The following IRF8 variants were observed in gnomAD, a reference collection of about 807,000 sequenced individuals.
The protein encoded by IRF8 is interferon regulatory factor 8, also known as interferon consensus sequence binding protein 1.
IRF8 carries 14 observed loss-of-function variants against 48.7 expected under a neutral mutation model. The observed-to-expected ratio is 0.29, with a 90% CI of 0.19 to 0.45. IRF8 has a LOEUF of 0.45. Among genes scored for constraint, IRF8 ranks in the 20% least tolerant of loss-of-function variants. The probability of loss-of-function intolerance (pLI) is 1.00; values close to 1 mark genes in which losing one functional copy is unlikely to be tolerated. For synonymous variants in IRF8, 278 were observed against 227.3 expected, an observed-to-expected ratio of 1.22 and a Z score of -2.01; for missense variants, 493 against 580.7, an observed-to-expected ratio of 0.85 and a Z score of 1.55.
chr16:85,920,446 C>T (rs892153092), intron 8 of IRF8, among the ~76,000 whole-genome samples: 3 of 152,116 alleles, frequency 2.0e-5, no homozygotes, highest in African/African-American at 7.2e-5. Flanking sequence ...TGGGGTTTCA[C>T]CATGTTGGCC....
At chr16:85,911,064 C>G (rs185545029) in intron 3 of IRF8, among the ~76,000 whole-genome samples, 1 of 151,952 alleles carries the variant, frequency 6.6e-6, no homozygotes, top group African/African-American at 2.4e-5. Flanking sequence ...GAGGGTGCTG[C>G]GGTGTGTGTG....
chr16:85,920,695 C>T (rs1238839828), intron 8 of IRF8, among the ~76,000 whole-genome samples: 1 of 152,204 alleles, frequency 6.6e-6, no homozygotes, highest in African/African-American at 2.4e-5. Context: ...TTCTTGCCAT[C>T]TCCGAGCCAT....
intron 2 of IRF8, 160 bp downstream of exon 2, chr16:85,903,349 G>A: frequency 1.5e-6 from 1 of 676,334 alleles, no homozygotes; most frequent in Admixed American, 2.5e-5. Flanking sequence ...TCTCAGACAT[G>A]TACATGAGCT....
At chr16:85,912,387 A>T (rs1403502178) in intron 4 of IRF8, among the ~76,000 whole-genome samples, 1 of 152,252 alleles carries the variant, frequency 6.6e-6, no homozygotes, top group African/African-American at 2.4e-5. Context: ...AGTACTGCAT[A>T]AATTCTTCTT....
chr16:85,919,299 C>T (rs990086653), intron 7 of IRF8, among the ~76,000 whole-genome samples: 2 of 152,172 alleles, frequency 1.3e-5, no homozygotes, highest in African/African-American at 4.8e-5. Flanking sequence ...GCTTTCGTTA[C>T]GCTGTAGGGA....
In IRF8 at chr16:85,921,043, GAC is replaced by G; in HGVS notation, c.1105-61_1105-60del. 6 of 1,528,164 alleles carry G rather than the reference GAC, an allele frequency of 3.9e-6. No individual in the cohort carries two copies. The South Asian group carries it at 7.1e-5, about 18-fold the overall frequency. 94.7% of individuals were successfully genotyped at this position (1,528,164 alleles called of 1,614,324 possible). ...ATCAGAGGACCTGGCTAGGGTCAAAGACAGTGCCCACCCCCTTTGGAGCCTCC... is the reference window on the plus strand; with the variant it reads ...ATCAGAGGACCTGGCTAGGGTCAAAGAGTGCCCACCCCCTTTGGAGCCTCC... On this transcript the variant is annotated intron_variant, in intron 8 of 8. Transcript: ENST00000268638.
rs1905070635 is a variant in IRF8, at chr16:85,908,866, A to G, written c.175-124A>G. On this transcript the variant is annotated intron_variant, in intron 2 of 8. Transcript: ENST00000268638. Reference sequence around the variant, plus strand: ...GAGTCTCTTTGGGTCCTGAAATTGAATGAGAGTTGATGGCCAACAAAGATT... The same window carrying G: ...GAGTCTCTTTGGGTCCTGAAATTGAGTGAGAGTTGATGGCCAACAAAGATT... 6.9e-6 allele frequency: 6 copies of G among 871,480 alleles called. No individual in the cohort carries two copies. The East Asian group carries it at 7.2e-5, about 11-fold the overall frequency. 54.0% of individuals were successfully genotyped at this position (871,480 alleles called of 1,614,324 possible). A position where few individuals can be genotyped will look rare whatever the true frequency, so the allele number is the denominator to read the frequency against.
rs1203992001 is a variant in IRF8, at chr16:85,919,181, C to T, written c.988+378C>T. Among the ~76,000 whole-genome samples the T allele has an allele frequency of 2.0e-5, 3 of 152,300 alleles. No individual in the cohort carries two copies. The East Asian group carries it at 5.8e-4, about 29-fold the overall frequency. ...GCTCCAGCCACAAGATCCGAACCTG[C>T]ATCTTAGCAAGGTCCCTGGGGATCT... On this transcript the variant is annotated intron_variant, in intron 7 of 8. Transcript: ENST00000268638.
chr16:85,912,212 C>T (rs774887381), intron 4 of IRF8, among the ~76,000 whole-genome samples: 5 of 152,216 alleles, frequency 3.3e-5, no homozygotes, highest in African/African-American at 7.2e-5. Context: ...AGAGCATAAT[C>T]GGGGCCTCCT....
rs1905084819 is a variant in IRF8 at position 85,909,422 on chromosome 16, C to T, written c.358+249C>T. On this transcript the variant is annotated intron_variant, in intron 3 of 8. Coordinates refer to ENST00000268638, the MANE Select transcript of IRF8 (RefSeq NM_002163.4). ...GCCTGACCACAGACATTTGTAGGGC[C>T]TCCCTGGACAGGAACAAGCATCCTC... The T allele has an allele frequency of 7.6e-6, 4 of 524,296 alleles. No individual in the cohort carries two copies. The East Asian group carries it at 1.4e-4, about 18-fold the overall frequency. The allele number at this position is 524,296 out of a possible 1,614,324, so 32.5% of individuals were successfully genotyped here.
Position 85,920,189 on chromosome 16 carries a change from A to G in IRF8, c.1069A>G (p.Met357Val). Reference protein sequence around the residue: ...VLCFGEEFPDMAPLRSKLILV... With the variant: ...VLCFGEEFPDVAPLRSKLILV... ...GTGCTTTGGGGAAGAGTTTCCGGAT[A>G]TGGCCCCCTTGCGCTCCAAACTCAT... Residue 357 changes from methionine (M) to valine (V), a missense_variant, in exon 8 of 9, where the codon ATG (methionine) becomes GTG (valine). By Grantham distance (21) the Met-to-Val change is conservative. Transcript: ENST00000268638. The G allele has an allele frequency of 2.6e-6, 4 of 1,558,310 alleles. No homozygotes were observed. The highest frequency in any genetic ancestry group is 3.5e-6 in the Non-Finnish European group (4 of 1,146,106).
intron 2 of IRF8, among the ~76,000 whole-genome samples, chr16:85,904,810 A>ATTTTTTTTTTTTTTTTTTTTTTTTTTTT (rs1418168585): frequency 1.5e-5 from 1 of 64,636 alleles, no homozygotes; most frequent in Admixed American, 1.5e-4. Flanking sequence ...TTGATTGCAG[A>ATTTTTTTTTTTTTTTTTTTTTTTTTTTT]TCTTTTTTTT....
In IRF8 at chr16:85,921,370, C is replaced by T; in HGVS notation, c.*88C>T. ...CGCATCATGATTAAAGAATGTGGAT[C>T]CCTCTGTCTGGGGTGGGATGCCTTA... On this transcript the variant is annotated 3_prime_UTR_variant, in exon 9 of 9. Coordinates refer to ENST00000268638, the MANE Select transcript of IRF8 (RefSeq NM_002163.4). 1 of 1,408,054 alleles carries T rather than the reference C, an allele frequency of 7.1e-7. No individual in the cohort carries two copies. The highest frequency in any genetic ancestry group is 1.0e-6 in the Non-Finnish European group (1 of 1,003,414). The allele number at this position is 1,408,054 out of a possible 1,614,324, so 87.2% of individuals were successfully genotyped here.
intron 7 of IRF8, 26 bp from the exon 8 acceptor site, chr16:85,920,083 A>G (rs567143662): frequency 8.9e-6 from 14 of 1,575,488 alleles, no homozygotes; most frequent in Non-Finnish European, 1.2e-5. Context: ...CTTGCTTGCA[A>G]ACACCCTCTG....
In IRF8 at chr16:85,913,297, C is replaced by T; in HGVS notation, c.553+61C>T. The T allele has an allele frequency of 4.1e-6, 5 of 1,205,632 alleles. No homozygotes were observed. In the South Asian group the frequency reaches 6.0e-5, roughly 15 times the overall value. The allele number at this position is 1,205,632 out of a possible 1,614,324, so 74.7% of individuals were successfully genotyped here. On this transcript the variant is annotated intron_variant, in intron 5 of 8. Transcript: ENST00000268638. ...GGCCTGAAGGGTTTACGGCATTCCA[C>T]CAGCCAGGGACGGAGTGGGGGTGGT...
intron 2 of IRF8, chr16:85,903,681 A>T (rs912870855): frequency 4.8e-6 from 1 of 207,576 alleles, no homozygotes; most frequent in African/African-American, 2.3e-5. Flanking sequence ...AACCTGCAGC[A>T]GATGTCTAAA....
In IRF8 at chr16:85,900,280, C is replaced by G. The variant is rs147435141; in HGVS notation, c.-2+1057C>G. On this transcript the variant is annotated intron_variant, in intron 1 of 8. Coordinates refer to ENST00000268638, the MANE Select transcript of IRF8 (RefSeq NM_002163.4). ...GTGGGCCCAGGGCAACCTCTTATCA[C>G]GTCCCTCCTGGAAAGCCTGACTGCT... 9.8e-5 allele frequency among the ~76,000 whole-genome samples: 15 copies of G among 152,298 alleles called. No individual in the cohort carries two copies. The East Asian group carries it at 2.7e-3, about 27-fold the overall frequency.
At chr16:85,912,122 T>G (rs768410) in intron 4 of IRF8, among the ~76,000 whole-genome samples, 71,292 of 152,150 alleles carry the variant, frequency 0.47, 17,222 homozygotes, top group African/African-American at 0.57. Context: ...TAATGTGCAG[T>G]TTTTATTCCT....
intron 2 of IRF8, 154 bp downstream of exon 2, chr16:85,903,343 A>G: frequency 1.4e-6 from 1 of 708,184 alleles, no homozygotes; most frequent in Non-Finnish European, 2.4e-6. Flanking sequence ...AATGTGTCTC[A>G]GACATGTACA....
Sources: gnomAD v4.1 joint callset for allele counts (sites outside exome capture counted in the v4.1 genomes callset) on GRCh38, gnomAD v4.1.1 for gene constraint, MANE v1.5 for transcripts, NCBI Gene and HGNC (gene_info 2026-07-23, HGNC 2026-07-21) for gene names.